Variants in TLE1 observed in about 807,000 individuals in gnomAD.
TLE1 encodes the protein TLE family member 1, transcriptional corepressor.
Under a neutral mutation model 89.8 loss-of-function variants are expected in TLE1, and 21 were observed. The ratio of observed to expected loss-of-function variants is 0.23; its 90% CI spans 0.17 to 0.34. The LOEUF (loss-of-function observed/expected upper bound fraction) is 0.34. TLE1 is among the 10% of genes least tolerant of loss of function. TLE1 has a pLI of 1.00. For synonymous variants in TLE1, 447 were observed against 407.6 expected (o/e 1.10, Z -1.16); for missense variants, 795 against 1,031.2 (o/e 0.77, Z 3.14).
intron 4 of TLE1, among the ~76,000 whole-genome samples, chr9:81,667,385 CAAAAAAAAAAA>C: frequency 1.1e-5 from 1 of 89,866 alleles, no homozygotes; most frequent in South Asian, 4.1e-4. Flanking sequence ...CAGACTGTCT[CAAAAAAAAAAA>C]AAAAAAAAAG....
intron 18 of TLE1, among the ~76,000 whole-genome samples, chr9:81,584,912 T>G (rs975184505): frequency 1.3e-5 from 2 of 152,012 alleles, no homozygotes; most frequent in Admixed American, 6.6e-5. Flanking sequence ...AAAATGCCAG[T>G]CACATCATAT....
At chr9:81,645,618 T>C (rs2132529066) in intron 6 of TLE1, among the ~76,000 whole-genome samples, 1 of 150,798 alleles carries the variant, frequency 6.6e-6, no homozygotes, top group East Asian at 2.0e-4. Flanking sequence ...CACATGCCTA[T>C]AATCCAAGCT....
chr9:81,598,726 T>TAA (rs79006477), intron 14 of TLE1, among the ~76,000 whole-genome samples: 11,969 of 152,210 alleles, frequency 0.079, 1,209 homozygotes, highest in East Asian at 0.54. Flanking sequence ...AGCAGTTTCC[T>TAA]AAGGGGGAAA....
At chr9:81,623,990 C>T (rs1438972972) in intron 8 of TLE1, among the ~76,000 whole-genome samples, 1 of 151,702 alleles carries the variant, frequency 6.6e-6, no homozygotes, top group Non-Finnish European at 1.5e-5. Context: ...GGCCAAGCGG[C>T]TCTGTCCACC....
In TLE1 at chr9:81,660,822, C is replaced by T. The variant is rs76242276; in HGVS notation, c.235-6786G>A. Among the ~76,000 whole-genome samples, 415 of 150,444 alleles carry T rather than the reference C, an allele frequency of 2.8e-3. 2 individuals carry two copies. The highest frequency in any genetic ancestry group is 9.3e-3 in the African/African-American group (383 of 41,136). Reference sequence around the variant, plus strand: ...CTTTTAAATTCAAGATATGGCCGGGCGTGGTGGCTCACGCCTGTAATCCCA... The same window carrying T: ...CTTTTAAATTCAAGATATGGCCGGGTGTGGTGGCTCACGCCTGTAATCCCA... On this transcript the variant is annotated intron_variant, in intron 4 of 19. Coordinates refer to ENST00000376499, the MANE Select transcript of TLE1 (RefSeq NM_005077.5).
rs1414263176 is a variant in TLE1 at position 81,688,339 on chromosome 9, G to C, written c.-99C>G. ...GAGGAAAATTAAGCCGGAAAGCCAA[G>C]CAGAAGCGGGGAGCGCGCTGGCCAC... is the stretch of plus-strand genomic sequence containing the variant. On this transcript the variant is annotated 5_prime_UTR_variant, in exon 1 of 20. Coordinates refer to ENST00000376499, the MANE Select transcript of TLE1 (RefSeq NM_005077.5). 1.4e-5 allele frequency: 18 copies of C among 1,325,012 alleles called. No homozygotes were observed. The highest frequency in any genetic ancestry group is 1.7e-5 in the Non-Finnish European group (17 of 1,010,094). 82.1% of individuals were successfully genotyped at this position (1,325,012 alleles called of 1,614,324 possible).
At chr9:81,620,354 A>T in intron 9 of TLE1, 87 bp downstream of exon 9, 1 of 1,026,062 alleles carries the variant, frequency 9.7e-7, no homozygotes. Context: ...AAGGACATGG[A>T]ATTATCACTA....
intron 2 of TLE1, among the ~76,000 whole-genome samples, chr9:81,686,926 A>T (rs1409135117): frequency 2.0e-5 from 3 of 152,116 alleles, no homozygotes. Flanking sequence ...CAGAAAACCC[A>T]ATTTTCTAGT....
Position 81,688,476 on chromosome 9 carries a change from G to A in TLE1, c.-236C>T, listed in dbSNP as rs1010937215. 1.9e-5 allele frequency: 8 copies of A among 424,310 alleles called. No homozygotes were observed. Among genetic ancestry groups the A allele is most frequent in the East Asian group, 7.8e-5 (2 of 25,482 alleles). The allele number at this position is 424,310 out of a possible 1,614,324, so 26.3% of individuals were successfully genotyped here. A position where few individuals can be genotyped will look rare whatever the true frequency, so the allele number is the denominator to read the frequency against. ...AGGGCCACATTAGTGGGCGCCCCAG[G>A]CCCAGCTGCTTCAAGAACCTGCGCG... On this transcript the variant is annotated 5_prime_UTR_variant, in exon 1 of 20. Coordinates refer to ENST00000376499, the MANE Select transcript of TLE1 (RefSeq NM_005077.5).
chr9:81,683,063 C>T (rs1010073566), intron 4 of TLE1, among the ~76,000 whole-genome samples: 3 of 152,178 alleles, frequency 2.0e-5, no homozygotes, highest in Non-Finnish European at 4.4e-5. Context: ...CACTTTAAAA[C>T]TTCCAGACAG....
intron 15 of TLE1, among the ~76,000 whole-genome samples, chr9:81,591,911 C>G (rs1268026776): frequency 1.3e-5 from 2 of 152,128 alleles, no homozygotes; most frequent in African/African-American, 2.4e-5. Context: ...CTCTGGAATC[C>G]TTACAATTTT....
chr9:81,655,473 C>T (rs537981883), intron 4 of TLE1, among the ~76,000 whole-genome samples: 1 of 152,214 alleles, frequency 6.6e-6, no homozygotes, highest in East Asian at 1.9e-4. Context: ...AGAGGGTACT[C>T]TACTTCTAGC....
chr9:81,683,180 C>G (rs1372576242), intron 4 of TLE1, among the ~76,000 whole-genome samples: 2 of 151,660 alleles, frequency 1.3e-5, no homozygotes, highest in Non-Finnish European at 1.5e-5. Flanking sequence ...CAAATCTTAA[C>G]AGCATTAAAG....
intron 6 of TLE1, among the ~76,000 whole-genome samples, chr9:81,642,226 A>G (rs761618615): frequency 6.6e-6 from 1 of 152,210 alleles, no homozygotes; most frequent in Non-Finnish European, 1.5e-5. Flanking sequence ...TACTTTCTCA[A>G]AAAGGTTAAT....
At chr9:81,663,015 T>C (rs1188103387) in intron 4 of TLE1, among the ~76,000 whole-genome samples, 1 of 151,950 alleles carries the variant, frequency 6.6e-6, no homozygotes, top group Admixed American at 6.5e-5. Flanking sequence ...GTGCAGCTAA[T>C]TTTTGCATTT....
intron 4 of TLE1, among the ~76,000 whole-genome samples, chr9:81,658,658 T>C (rs1323200418): frequency 6.6e-6 from 1 of 152,166 alleles, no homozygotes; most frequent in Non-Finnish European, 1.5e-5. Flanking sequence ...CTGCACAACC[T>C]ACCTCCTGGC....
In TLE1 at chr9:81,674,340, G is replaced by A. The variant is rs902379588; in HGVS notation, c.234+11336C>T. 4.6e-5 allele frequency among the ~76,000 whole-genome samples: 7 copies of A among 152,166 alleles called. No homozygotes were observed. The East Asian group carries it at 7.7e-4, about 17-fold the overall frequency. On this transcript the variant is annotated intron_variant, in intron 4 of 19. Coordinates refer to ENST00000376499, the MANE Select transcript of TLE1 (RefSeq NM_005077.5). ...TATAAGAAGCTCTGACCAGCTGTTT[G>A]CTCAAGGCATCAAGAGGGCACCAAG...
At position 81,620,498 on chromosome 9, in the gene TLE1, A is replaced by T; in HGVS notation, c.654T>A (p.Pro218=). ...TTTTCTTGATGTCATTGGAAAATTC[A>T]GGTCCATTTCTGCGTTTATCTGTGC... ...LRGTDKRRNG[P]EFSNDIKKRK... Residue 218 remains proline, a synonymous_variant, in exon 9 of 20, where the codon CCT becomes CCA. Transcript: ENST00000376499. 3 of 1,614,086 alleles carry T rather than the reference A, an allele frequency of 1.9e-6. No homozygotes were observed. The highest frequency in any genetic ancestry group is 2.5e-6 in the Non-Finnish European group (3 of 1,179,990).
intron 4 of TLE1, among the ~76,000 whole-genome samples, chr9:81,656,327 C>T (rs1032321003): frequency 6.6e-6 from 1 of 152,122 alleles, no homozygotes; most frequent in Non-Finnish European, 1.5e-5. Flanking sequence ...AGTAGAGATG[C>T]CTTTGGTAGG....
Sources: allele counts gnomAD v4.1 joint callset (sites outside exome capture counted in the v4.1 genomes callset), GRCh38; gene constraint gnomAD v4.1.1; transcripts MANE v1.5; gene names NCBI Gene and HGNC (gene_info 2026-07-23, HGNC 2026-07-21).